PREPL: variants seen among roughly 807,000 people sequenced by gnomAD.
PREPL encodes the protein prolyl endopeptidase like, also known as prolyl endopeptidase-like.
In PREPL, 77 loss-of-function variants were observed where a neutral mutation model predicts 70.6. The observed-to-expected ratio is 1.09, with a 90% CI of 0.91 to 1.32. The LOEUF is 1.32. Among genes scored for constraint, PREPL ranks in the 40% most tolerant of loss-of-function variants. The pLI is 0.00. For synonymous variants in PREPL, 315 were observed against 264.8 expected (o/e 1.19, Z -1.84); for missense variants, 1,002 against 778.2 (o/e 1.29, Z -3.42).
intron 1 of PREPL, among the ~76,000 whole-genome samples, chr2:44,350,406 T>C (rs745962320): frequency 6.6e-6 from 1 of 152,120 alleles, no homozygotes; most frequent in Non-Finnish European, 1.5e-5. Flanking sequence ...AAAAAAATGA[T>C]AAAACCTTAA....
rs755078227 is a variant in PREPL, at chr2:44,323,243, C to G, written c.1629+19G>C. 6.4e-7 allele frequency: 1 copy of G among 1,568,404 alleles called. No homozygotes were observed. The highest frequency in any genetic ancestry group is 1.2e-5 in the South Asian group (1 of 83,868). On this transcript the variant is annotated intron_variant, in intron 11 of 13. Coordinates refer to ENST00000409411, the MANE Select transcript of PREPL (RefSeq NM_001171613.2). ...TCTGTGTAAATTCAGGATAATCTAA[C>G]ACAATTGTCTTTCACTACCTGAGGT...
chr2:44,346,373 T>C lies in PREPL; in HGVS notation c.-31A>G. 1.2e-6 allele frequency: 2 copies of C among 1,612,846 alleles called. No homozygotes were observed. The highest frequency in any genetic ancestry group is 2.2e-5 in the South Asian group (2 of 90,912). Reference sequence around the variant, plus strand: ...CTGGAAGGGGTTTTTCGTTTTCTTGTTTAACAGGCTGAAGATCCTGGAAAA... The same window carrying C: ...CTGGAAGGGGTTTTTCGTTTTCTTGCTTAACAGGCTGAAGATCCTGGAAAA... On this transcript the variant is annotated 5_prime_UTR_variant, in exon 2 of 14. Transcript: ENST00000409411.
chr2:44,329,382 A>C (rs1413804703), intron 8 of PREPL, among the ~76,000 whole-genome samples: 1 of 152,216 alleles, frequency 6.6e-6, no homozygotes, highest in African/African-American at 2.4e-5. Flanking sequence ...TCATGACAAT[A>C]ATGTAATTTT....
At chr2:44,322,953 A>C in intron 11 of PREPL, 99 bp from the exon 12 acceptor site, 1 of 1,468,834 alleles carries the variant, frequency 6.8e-7, no homozygotes, top group African/African-American at 1.4e-5. Flanking sequence ...TTTTCCCTGT[A>C]AGTGCTCTAT....
intron 13 of PREPL, 67 bp downstream of exon 13, chr2:44,321,756 CCACT>C (rs1267314260): frequency 6.2e-7 from 1 of 1,612,934 alleles, no homozygotes; most frequent in Non-Finnish European, 8.5e-7. Flanking sequence ...CCTGCTGCAA[CCACT>C]GAAAATGTGA....
chr2:44,319,974 G>T lies in PREPL; in HGVS notation c.*1382C>A. On this transcript the variant is annotated 3_prime_UTR_variant, in exon 14 of 14. Coordinates refer to ENST00000409411, the MANE Select transcript of PREPL (RefSeq NM_001171613.2). The stretch of plus-strand genomic sequence containing the variant: ...ACTCTACAATGTAGCAGAGCACTGT[G>T]CGTACTTATTGACTCCCAGACAAGC... The T allele has an allele frequency of 1.8e-6, 1 of 541,188 alleles. No individual in the cohort carries two copies. The highest frequency in any genetic ancestry group is 3.3e-6 in the Non-Finnish European group (1 of 303,386). 33.5% of individuals were successfully genotyped at this position (541,188 alleles called of 1,614,324 possible).
chr2:44,343,239 T>G (rs990384073), intron 4 of PREPL, among the ~76,000 whole-genome samples: 11 of 152,268 alleles, frequency 7.2e-5, no homozygotes, highest in African/African-American at 2.6e-4. Context: ...GAGGACAAAA[T>G]GTAACATATG....
intron 1 of PREPL, chr2:44,360,557 T>C (rs1430561493): frequency 1.3e-5 from 2 of 152,182 alleles, no homozygotes; most frequent in Admixed American, 1.3e-4. Flanking sequence ...CCATCTCTGG[T>C]TTGTCAGGAG....
intron 9 of PREPL, 65 bp downstream of exon 9, chr2:44,328,870 ATT>A (rs1301715070): frequency 2.1e-6 from 3 of 1,410,864 alleles, no homozygotes; most frequent in Non-Finnish European, 2.9e-6. Flanking sequence ...CCTGATATAT[ATT>A]GTTATTCTTG....
intron 2 of PREPL, among the ~76,000 whole-genome samples, chr2:44,345,011 ACTTT>A (rs1335587867): frequency 1.4e-4 from 21 of 152,296 alleles, no homozygotes; most frequent in Non-Finnish European, 1.3e-4. Flanking sequence ...CCAGTCTATA[ACTTT>A]CTGAGACTCC....
At chr2:44,351,927 C>T (rs777588359) in intron 1 of PREPL, among the ~76,000 whole-genome samples, 8 of 152,220 alleles carry the variant, frequency 5.3e-5, no homozygotes, top group Non-Finnish European at 8.8e-5. Flanking sequence ...CAATGGTCTA[C>T]AAAGTCCTAA....
In PREPL at chr2:44,326,790, A is replaced by C. The variant is rs768517426; in HGVS notation, c.1401T>G (p.Thr467=). 6.2e-7 allele frequency: 1 copy of C among 1,614,206 alleles called. No individual in the cohort carries two copies. The highest frequency in any genetic ancestry group is 1.1e-5 in the South Asian group (1 of 91,082). ...CAAGCACCCCTCCAGCACTGAAAGC[A>C]GTCAGGGTTGTTAGACTTGGCTGAG... ...GFSQPSLTTL[T]AFSAGGVLAG... The change falls in exon 10 of 14, where the codon ACT becomes ACG. Residue 467 remains threonine (T), a synonymous_variant. Coordinates refer to ENST00000409411, the MANE Select transcript of PREPL (RefSeq NM_001171613.2).
intron 1 of PREPL, among the ~76,000 whole-genome samples, chr2:44,350,737 G>A (rs990835597): frequency 6.6e-6 from 1 of 152,104 alleles, no homozygotes; most frequent in Non-Finnish European, 1.5e-5. Context: ...GCCACTGACT[G>A]CTCCTGTCAA....
intron 6 of PREPL, 65 bp from the exon 7 acceptor site, chr2:44,338,601 G>A (rs1207579191): frequency 1.2e-5 from 16 of 1,319,778 alleles, no homozygotes; most frequent in Non-Finnish European, 1.6e-5. Context: ...ATCCAGAGAT[G>A]CAATCACTGA....
chr2:44,356,428 C>G (rs1225780072), intron 1 of PREPL: 3 of 152,288 alleles, frequency 2.0e-5, no homozygotes, highest in Non-Finnish European at 4.4e-5. Flanking sequence ...CGCCTGTAAT[C>G]CCAGCTACTT....
Position 44,344,072 on chromosome 2 carries a change from TCAA to T in PREPL, c.143-124_143-122del, listed in dbSNP as rs1052449547. 3.4e-5 allele frequency: 40 copies of T among 1,170,358 alleles called. 1 individual carries two copies. The highest frequency in any genetic ancestry group is 3.0e-4 in the Admixed American group (9 of 29,556). The allele number at this position is 1,170,358 out of a possible 1,614,324, so 72.5% of individuals were successfully genotyped here. A position where few individuals can be genotyped will look rare whatever the true frequency, so the allele number is the denominator to read the frequency against. On this transcript the variant is annotated intron_variant, in intron 3 of 13. Transcript: ENST00000409411. Reference sequence around the variant, plus strand: ...GTAAGAGGCCATATCCTAGCTTCTTTCAACAATGATGGCAGCTTAACTTGCACA... The same window carrying T: ...GTAAGAGGCCATATCCTAGCTTCTTTCAATGATGGCAGCTTAACTTGCACA...
intron 1 of PREPL, among the ~76,000 whole-genome samples, chr2:44,353,566 C>T (rs780162858): frequency 8.0e-5 from 12 of 149,746 alleles, no homozygotes; most frequent in Middle Eastern, 3.4e-3. Flanking sequence ...CCAACCTGGG[C>T]GACAGAGCGA....
chr2:44,329,172 C>T, intron 8 of PREPL, 60 bp from the exon 9 acceptor site: 1 of 1,398,564 alleles, frequency 7.2e-7, no homozygotes, highest in Non-Finnish European at 9.9e-7. Context: ...CTGTTTTATC[C>T]CAATTTAAAA....
intron 7 of PREPL, among the ~76,000 whole-genome samples, chr2:44,333,777 A>C (rs1283844722): frequency 1.3e-5 from 2 of 152,208 alleles, no homozygotes; most frequent in Non-Finnish European, 2.9e-5. Flanking sequence ...GTAAAATGTA[A>C]ACAAAAATTG....
Sources: gnomAD v4.1 joint callset for allele counts (sites outside exome capture counted in the v4.1 genomes callset) on GRCh38, gnomAD v4.1.1 for gene constraint, MANE v1.5 for transcripts, NCBI Gene and HGNC (gene_info 2026-07-23, HGNC 2026-07-21) for gene names.